The following MMP16 variants were observed in gnomAD, a reference collection of about 807,000 sequenced individuals.
MMP16 encodes the protein matrix metalloproteinase-16.
In MMP16, 12 loss-of-function variants were observed where a neutral mutation model predicts 67.8. The ratio of observed to expected loss-of-function variants is 0.18; its 90% CI spans 0.11 to 0.29. The LOEUF is 0.29. Among genes scored for constraint, MMP16 ranks in the 10% least tolerant of loss-of-function variants. The pLI is 1.00. For missense variants in MMP16, 475 were observed against 765.7 expected (o/e 0.62, Z 4.48); for synonymous variants, 249 against 255.9 (o/e 0.97, Z 0.26).
intron 1 of MMP16, among the ~76,000 whole-genome samples, chr8:88,285,949 C>T (rs1423030905): frequency 6.6e-6 from 1 of 152,160 alleles, no homozygotes; most frequent in Non-Finnish European, 1.5e-5. Context: ...CTCTTCAAAG[C>T]CAGCTTCATA....
intron 4 of MMP16, among the ~76,000 whole-genome samples, chr8:88,133,052 G>T (rs1808058973): frequency 6.6e-6 from 1 of 151,762 alleles, no homozygotes; most frequent in South Asian, 2.1e-4. Context: ...TTCAAAGTCA[G>T]CAATTTTTCT....
intron 1 of MMP16, among the ~76,000 whole-genome samples, chr8:88,213,526 T>C (rs1414658140): frequency 6.6e-6 from 1 of 152,180 alleles, no homozygotes; most frequent in Non-Finnish European, 1.5e-5. Flanking sequence ...TATACTCTAC[T>C]ATCTGGTATA....
chr8:88,293,208 T>C (rs962436106), intron 1 of MMP16, among the ~76,000 whole-genome samples: 7 of 152,228 alleles, frequency 4.6e-5, no homozygotes, highest in African/African-American at 1.7e-4. Context: ...AATATAATTT[T>C]CTAAGTTATA....
chr8:88,304,166 A>T (rs1811176659), intron 1 of MMP16, among the ~76,000 whole-genome samples: 1 of 152,222 alleles, frequency 6.6e-6, no homozygotes, highest in Admixed American at 6.5e-5. Flanking sequence ...AAGTATCAAC[A>T]GCAGAATAGA....
At chr8:88,093,422 G>T (rs1312187966) in intron 6 of MMP16, among the ~76,000 whole-genome samples, 1 of 151,620 alleles carries the variant, frequency 6.6e-6, no homozygotes, top group Non-Finnish European at 1.5e-5. Flanking sequence ...ATTTTTGTTT[G>T]TTCAGTGATT....
chr8:88,032,922 C>T lies in MMP16; in HGVS notation c.*8539G>A, dbSNP rs532444837. 3 of 152,132 alleles carry T rather than the reference C, an allele frequency of 2.0e-5. No homozygotes were observed. In the East Asian group the frequency reaches 5.8e-4, roughly 29 times the overall value. 9.4% of individuals were successfully genotyped at this position (152,132 alleles called of 1,614,324 possible). On this transcript the variant is annotated 3_prime_UTR_variant, in exon 10 of 10. Transcript: ENST00000286614. ...AGAAACTTAAATCTAGATTTTAATA[C>T]TCTCTCCATAATTGAAAACATCATG...
At position 88,053,750 on chromosome 8, in the gene MMP16, A is replaced by G. The variant is rs958956511; in HGVS notation, c.1373+2378T>C. On this transcript the variant is annotated intron_variant, in intron 8 of 9. Transcript: ENST00000286614. Reference sequence around the variant, plus strand: ...CTGTTCACTCTGGAAATATATAATTATATGACTATGGAGTAATCTGTTTAT... The same window carrying G: ...CTGTTCACTCTGGAAATATATAATTGTATGACTATGGAGTAATCTGTTTAT... Among the ~76,000 whole-genome samples the G allele has an allele frequency of 1.3e-4, 20 of 152,316 alleles. No homozygotes were observed. The East Asian group carries it at 3.9e-3, about 29-fold the overall frequency.
At chr8:88,277,050 T>C (rs1810660053) in intron 1 of MMP16, among the ~76,000 whole-genome samples, 1 of 152,142 alleles carries the variant, frequency 6.6e-6, no homozygotes, top group African/African-American at 2.4e-5. Flanking sequence ...AATTAGAAAA[T>C]CTTAATAACA....
intron 1 of MMP16, among the ~76,000 whole-genome samples, chr8:88,270,417 C>T (rs1053967594): frequency 4.6e-5 from 7 of 152,112 alleles, no homozygotes; most frequent in Admixed American, 2.6e-4. Context: ...AGCGTATTCC[C>T]ACTGCAACTC....
At chr8:88,229,245 A>G (rs936883255) in intron 1 of MMP16, among the ~76,000 whole-genome samples, 1 of 152,168 alleles carries the variant, frequency 6.6e-6, no homozygotes, top group African/African-American at 2.4e-5. Context: ...TCCAGAATAT[A>G]CGTGTATATA....
Position 88,327,258 on chromosome 8 carries a change from C to G in MMP16, c.-52G>C. ...GAGCTCCCCTTCGTTTTCTCCCTCT[C>G]TCCCTCTCCCTCCCTCCCTCGTTTC... is the stretch of plus-strand genomic sequence containing the variant. On this transcript the variant is annotated 5_prime_UTR_variant, in exon 1 of 10. Transcript: ENST00000286614. 6.2e-7 allele frequency: 1 copy of G among 1,608,310 alleles called. No homozygotes were observed. Among genetic ancestry groups the G allele is most frequent in the Non-Finnish European group, 8.5e-7 (1 of 1,176,128 alleles).
rs1563567713 is a variant in MMP16 at position 88,226,875 on chromosome 8, CGT to C, written c.133-29571_133-29570del. ...TTAATGAAAGAGTACTCAGCCTACA[CGT>C]ATTTATTTATTTATTTATTTATTTA... On this transcript the variant is annotated intron_variant, in intron 1 of 9. Transcript: ENST00000286614. Among the ~76,000 whole-genome samples the C allele has an allele frequency of 7.0e-3, 508 of 72,840 alleles. 5 individuals are homozygous for C. Among genetic ancestry groups the C allele is most frequent in the African/African-American group, 0.022 (476 of 22,028 alleles). The allele number at this position is 72,840 out of a possible 152,430, so 47.8% of individuals were successfully genotyped here.
At chr8:88,214,425 G>A (rs1254089381) in intron 1 of MMP16, among the ~76,000 whole-genome samples, 3 of 152,070 alleles carry the variant, frequency 2.0e-5, no homozygotes, top group African/African-American at 7.2e-5. Context: ...CTTGTGTACA[G>A]TGAATACAAC....
chr8:88,046,554 G>A, intron 9 of MMP16, 115 bp downstream of exon 9: 1 of 517,894 alleles, frequency 1.9e-6, no homozygotes. Flanking sequence ...TAGAAATACA[G>A]TATTACATAG....
In MMP16 at chr8:88,192,267, C is replaced by T. The variant is rs186893338; in HGVS notation, c.281+4891G>A. Reference sequence around the variant, plus strand: ...TTGCGGCTGACAGCTCATTCCAGTCCAGAGTTTCTTTTATCTACAGACTCA... The same window carrying T: ...TTGCGGCTGACAGCTCATTCCAGTCTAGAGTTTCTTTTATCTACAGACTCA... On this transcript the variant is annotated intron_variant, in intron 2 of 9. Coordinates refer to ENST00000286614, the MANE Select transcript of MMP16 (RefSeq NM_005941.5). Among the ~76,000 whole-genome samples the T allele has an allele frequency of 1.3e-3, 198 of 152,164 alleles. 2 individuals are homozygous for T. Among genetic ancestry groups the T allele is most frequent in the African/African-American group, 4.6e-3 (193 of 41,534 alleles).
At chr8:88,320,148 G>A (rs1811436049) in intron 1 of MMP16, among the ~76,000 whole-genome samples, 1 of 152,130 alleles carries the variant, frequency 6.6e-6, no homozygotes, top group Non-Finnish European at 1.5e-5. Flanking sequence ...TCACACTTTT[G>A]TGGATCGTTT....
At chr8:88,114,900 T>G (rs2118423836) in intron 6 of MMP16, among the ~76,000 whole-genome samples, 1 of 152,092 alleles carries the variant, frequency 6.6e-6, no homozygotes, top group Non-Finnish European at 1.5e-5. Context: ...CCATGTACTT[T>G]TTATCAGTTC....
At chr8:88,266,746 C>A (rs898341208) in intron 1 of MMP16, among the ~76,000 whole-genome samples, 9 of 152,110 alleles carry the variant, frequency 5.9e-5, no homozygotes, top group African/African-American at 2.2e-4. Context: ...AGGTGAGCAA[C>A]TGTTCCGTTG....
At position 88,289,797 on chromosome 8, in the gene MMP16, A is replaced by T. The variant is rs563969519; in HGVS notation, c.132+37278T>A. ...GGTAGATTCCATTTTCCTCTTTTTT[A>T]AAAAAAAAGGAAAAAAAAATTCACA... On this transcript the variant is annotated intron_variant, in intron 1 of 9. Transcript: ENST00000286614. 1.5e-3 allele frequency among the ~76,000 whole-genome samples: 220 copies of T among 150,632 alleles called. 1 individual carries two copies. Among genetic ancestry groups the T allele is most frequent in the Non-Finnish European group, 6.5e-4 (44 of 67,574 alleles).
Sources: allele counts gnomAD v4.1 joint callset (sites outside exome capture counted in the v4.1 genomes callset), GRCh38; gene constraint gnomAD v4.1.1; transcripts MANE v1.5; gene names NCBI Gene and HGNC (gene_info 2026-07-23, HGNC 2026-07-21).